Variants in KCNJ3 observed in about 807,000 individuals in gnomAD.
KCNJ3 encodes G protein-activated inward rectifier potassium channel 1.
A neutral mutation model predicts 39.2 loss-of-function variants in KCNJ3; 4 were observed. The ratio of observed to expected loss-of-function variants is 0.10; its 90% CI spans 0.05 to 0.23. KCNJ3 has a LOEUF of 0.23. Ranked by LOEUF, KCNJ3 falls within the 10% of genes least tolerant of loss-of-function variation. The pLI is 1.00. For missense variants in KCNJ3, 276 were observed against 634.9 expected, an observed-to-expected ratio of 0.43 and a Z score of 6.08; for synonymous variants, 230 against 237.4, an observed-to-expected ratio of 0.97 and a Z score of 0.29.
intron 1 of KCNJ3, among the ~76,000 whole-genome samples, chr2:154,700,657 C>A (rs1478282738): frequency 1.3e-5 from 2 of 152,124 alleles, no homozygotes; most frequent in Non-Finnish European, 2.9e-5. Flanking sequence ...AATTTCCAAT[C>A]CACAAGTATA....
At chr2:154,826,836 CAG>C (rs1389473971) in intron 2 of KCNJ3, among the ~76,000 whole-genome samples, 2 of 152,128 alleles carry the variant, frequency 1.3e-5, no homozygotes, top group Non-Finnish European at 2.9e-5. Flanking sequence ...GTGTGGATGT[CAG>C]GGGCGGGGTG....
In KCNJ3 at chr2:154,779,416, A is replaced by G. The variant is rs538115481; in HGVS notation, c.919+69597A>G. Among the ~76,000 whole-genome samples the G allele has an allele frequency of 1.3e-4, 19 of 148,664 alleles. No homozygotes were observed. The East Asian group carries it at 3.7e-3, about 29-fold the overall frequency. ...CCTTGGAGACTTATGAGGTCAGTTT[A>G]CTAGACTTGATATACATATATATAT... On this transcript the variant is annotated intron_variant, in intron 2 of 2. Transcript: ENST00000295101.
At chr2:154,830,371 C>G (rs1158454397) in intron 2 of KCNJ3, among the ~76,000 whole-genome samples, 2 of 152,092 alleles carry the variant, frequency 1.3e-5, no homozygotes, top group Non-Finnish European at 1.5e-5. Flanking sequence ...TGGCTATATT[C>G]CAGCAGATTC....
At chr2:154,702,954 G>C (rs1040282438) in intron 1 of KCNJ3, among the ~76,000 whole-genome samples, 1 of 151,718 alleles carries the variant, frequency 6.6e-6, no homozygotes, top group African/African-American at 2.4e-5. Context: ...TCATCCAATC[G>C]AAAGTTTTTA....
intron 2 of KCNJ3, among the ~76,000 whole-genome samples, chr2:154,731,776 C>CT (rs889947711): frequency 2.0e-4 from 30 of 147,564 alleles, no homozygotes; most frequent in South Asian, 6.4e-4. Context: ...ATCTGATTCA[C>CT]TTTTTTTTTT....
At chr2:154,706,994 A>G (rs963958216) in intron 1 of KCNJ3, among the ~76,000 whole-genome samples, 1 of 152,170 alleles carries the variant, frequency 6.6e-6, no homozygotes, top group Non-Finnish European at 1.5e-5. Context: ...GAACATATTA[A>G]TAGTTGAAAT....
chr2:154,786,655 G>A (rs1686535262), intron 2 of KCNJ3, among the ~76,000 whole-genome samples: 1 of 151,898 alleles, frequency 6.6e-6, no homozygotes, highest in Non-Finnish European at 1.5e-5. Context: ...TATTGCCCCT[G>A]GCCCAAACAC....
chr2:154,783,045 G>A (rs192891225), intron 2 of KCNJ3, among the ~76,000 whole-genome samples: 154 of 152,118 alleles, frequency 1.0e-3, no homozygotes, highest in African/African-American at 3.3e-3. Flanking sequence ...GGGCGTGGTC[G>A]TGGGCACCTG....
chr2:154,781,426 T>C (rs750054810), intron 2 of KCNJ3, among the ~76,000 whole-genome samples: 48 of 152,312 alleles, frequency 3.2e-4, no homozygotes, highest in Middle Eastern at 3.4e-3. Flanking sequence ...TACGAAATTA[T>C]CCGTAACTTT....
chr2:154,742,942 G>A (rs1048865946), intron 2 of KCNJ3, among the ~76,000 whole-genome samples: 2 of 151,680 alleles, frequency 1.3e-5, no homozygotes, highest in African/African-American at 2.4e-5. Context: ...AAAATCAATG[G>A]CCAATCAATG....
intron 2 of KCNJ3, among the ~76,000 whole-genome samples, chr2:154,725,361 CT>C (rs554084620): frequency 4.8e-4 from 68 of 143,024 alleles, no homozygotes; most frequent in Middle Eastern, 3.6e-3. Flanking sequence ...TGAAAGTTTG[CT>C]TTTTTTTTTT....
intron 2 of KCNJ3, among the ~76,000 whole-genome samples, chr2:154,784,042 T>A (rs1275157554): frequency 1.3e-5 from 2 of 152,200 alleles, no homozygotes; most frequent in African/African-American, 4.8e-5. Flanking sequence ...TCTTGCTGGG[T>A]GATAAAATTT....
chr2:154,727,111 T>TA (rs1685373316), intron 2 of KCNJ3, among the ~76,000 whole-genome samples: 1 of 152,034 alleles, frequency 6.6e-6, no homozygotes, highest in East Asian at 1.9e-4. Flanking sequence ...AAATAATCAC[T>TA]AAAAAACTTA....
intron 2 of KCNJ3, among the ~76,000 whole-genome samples, chr2:154,754,083 A>G (rs1685896445): frequency 6.6e-6 from 1 of 152,162 alleles, no homozygotes; most frequent in African/African-American, 2.4e-5. Flanking sequence ...GATTTACAGG[A>G]CAATTGCCAA....
intron 1 of KCNJ3, among the ~76,000 whole-genome samples, chr2:154,705,341 T>G (rs961384260): frequency 6.6e-6 from 1 of 152,176 alleles, no homozygotes; most frequent in Admixed American, 6.5e-5. Flanking sequence ...GGATCATGTA[T>G]GTATATGTAT....
intron 2 of KCNJ3, among the ~76,000 whole-genome samples, chr2:154,807,311 G>A (rs1479713744): frequency 6.6e-6 from 1 of 152,166 alleles, no homozygotes; most frequent in East Asian, 1.9e-4. Flanking sequence ...TTAATGCCTA[G>A]CATTCACAGA....
intron 2 of KCNJ3, among the ~76,000 whole-genome samples, chr2:154,734,765 TTGAG>T (rs1459814553): frequency 6.6e-6 from 1 of 152,076 alleles, no homozygotes; most frequent in Non-Finnish European, 1.5e-5. Context: ...GAAAAAAACA[TTGAG>T]AGTGAGGTTT....
chr2:154,780,401 A>G (rs374407405), intron 2 of KCNJ3, among the ~76,000 whole-genome samples: 1 of 152,292 alleles, frequency 6.6e-6, no homozygotes, highest in South Asian at 2.1e-4. Flanking sequence ...CGATGCAACA[A>G]TTTTAAGCAA....
intron 2 of KCNJ3, among the ~76,000 whole-genome samples, chr2:154,806,013 G>A (rs1686905077): frequency 6.6e-6 from 1 of 152,174 alleles, no homozygotes; most frequent in Admixed American, 6.6e-5. Context: ...TCTAGGTAGT[G>A]TGCTTTTTGT....
Sources: gnomAD v4.1 joint callset for allele counts (sites outside exome capture counted in the v4.1 genomes callset) on GRCh38, gnomAD v4.1.1 for gene constraint, MANE v1.5 for transcripts, NCBI Gene and HGNC (gene_info 2026-07-23, HGNC 2026-07-21) for gene names.